The following ANKS1B variants were observed in gnomAD, a reference collection of about 807,000 sequenced individuals.
The protein encoded by ANKS1B is ankyrin repeat and sterile alpha motif domain containing 1B.
ANKS1B carries 36 observed loss-of-function variants against 148.3 expected under a neutral mutation model. The observed-to-expected ratio is 0.24, with a 90% confidence interval of 0.19 to 0.32. The LOEUF is 0.32. Among genes scored for constraint, ANKS1B ranks in the 10% least tolerant of loss-of-function variants. The pLI, the probability that ANKS1B is intolerant of heterozygous loss-of-function variation, is 1.00. For missense variants in ANKS1B, 1,157 were observed against 1,542.6 expected, an observed-to-expected ratio of 0.75 and a Z score of 4.19; for synonymous variants, 542 against 560.8, an observed-to-expected ratio of 0.97 and a Z score of 0.47.
chr12:99,562,344 T>C (rs2097345145), intron 9 of ANKS1B, among the ~76,000 whole-genome samples: 1 of 152,210 alleles, frequency 6.6e-6, no homozygotes, highest in Non-Finnish European at 1.5e-5. Flanking sequence ...CATTCACCCC[T>C]GACAAAAGAG....
intron 17 of ANKS1B, among the ~76,000 whole-genome samples, chr12:98,987,229 A>G (rs1267171842): frequency 6.6e-6 from 1 of 151,882 alleles, no homozygotes; most frequent in African/African-American, 2.4e-5. Context: ...CAAGATAAGA[A>G]GTTTGAGCAA....
chr12:99,696,474 T>C (rs1170710530), intron 8 of ANKS1B, among the ~76,000 whole-genome samples: 2 of 152,026 alleles, frequency 1.3e-5, no homozygotes, highest in African/African-American at 4.8e-5. Flanking sequence ...GCAAAGCAAG[T>C]CAATGTAGAT....
chr12:98,955,179 A>G (rs1179547885), intron 17 of ANKS1B, among the ~76,000 whole-genome samples: 1 of 152,226 alleles, frequency 6.6e-6, no homozygotes, highest in African/African-American at 2.4e-5. Context: ...AGTACTGCAG[A>G]AAAAGATTAG....
At chr12:99,147,062 C>G (rs956121314) in intron 15 of ANKS1B, among the ~76,000 whole-genome samples, 1 of 152,132 alleles carries the variant, frequency 6.6e-6, no homozygotes, top group Admixed American at 6.6e-5. Context: ...TATTTACCAT[C>G]TGGCCCTTTA....
intron 17 of ANKS1B, among the ~76,000 whole-genome samples, chr12:98,978,561 A>G (rs1568151563): frequency 6.6e-6 from 1 of 152,124 alleles, no homozygotes. Flanking sequence ...GTACTCACAT[A>G]AAACTTAAAA....
intron 10 of ANKS1B, among the ~76,000 whole-genome samples, chr12:99,495,521 C>A (rs923845807): frequency 2.0e-5 from 3 of 152,168 alleles, no homozygotes; most frequent in Admixed American, 2.0e-4. Context: ...TCCTTGATTT[C>A]TCTCTTTGCC....
At chr12:98,749,052 C>T (rs1009873483) in intron 26 of ANKS1B, among the ~76,000 whole-genome samples, 6 of 152,192 alleles carry the variant, frequency 3.9e-5, no homozygotes, top group Admixed American at 3.9e-4. Flanking sequence ...CTGCTATGGG[C>T]CTGGTTCCGG....
intron 17 of ANKS1B, among the ~76,000 whole-genome samples, chr12:99,016,453 C>G (rs771881383): frequency 1.3e-5 from 2 of 152,130 alleles, no homozygotes; most frequent in Non-Finnish European, 2.9e-5. Flanking sequence ...ATCAGAAGTT[C>G]GAGACCAGCC....
intron 12 of ANKS1B, among the ~76,000 whole-genome samples, chr12:99,383,118 C>A (rs1457318174): frequency 6.6e-6 from 1 of 152,156 alleles, no homozygotes; most frequent in Admixed American, 6.5e-5. Context: ...TGGTTGCCTC[C>A]TTTAGGCAAA....
At chr12:99,783,436 C>T (rs778900269) in intron 4 of ANKS1B, among the ~76,000 whole-genome samples, 1 of 151,940 alleles carries the variant, frequency 6.6e-6, no homozygotes, top group Admixed American at 6.6e-5. Context: ...ATCAAAAATG[C>T]GACAGTTTCA....
chr12:98,811,198 C>T (rs373228144), intron 19 of ANKS1B, among the ~76,000 whole-genome samples: 2 of 152,268 alleles, frequency 1.3e-5, no homozygotes, highest in South Asian at 4.1e-4. Context: ...GAGGGCAGGT[C>T]CTCCCACTGC....
intron 12 of ANKS1B, among the ~76,000 whole-genome samples, chr12:99,301,920 C>T (rs1039252021): frequency 4.0e-5 from 6 of 151,834 alleles, no homozygotes; most frequent in South Asian, 2.1e-4. Context: ...CATTTAAAAG[C>T]GGGAAAAGGA....
chr12:98,869,418 C>T (rs780467612), intron 17 of ANKS1B, among the ~76,000 whole-genome samples: 13 of 152,094 alleles, frequency 8.5e-5, no homozygotes, highest in Admixed American at 1.3e-4. Context: ...CTCCTGAGTC[C>T]GGACAAGACT....
chr12:99,970,345 G>A (rs1408706971), intron 1 of ANKS1B, among the ~76,000 whole-genome samples: 3 of 152,102 alleles, frequency 2.0e-5, no homozygotes, highest in Non-Finnish European at 4.4e-5. Flanking sequence ...TTGAAAAGGT[G>A]TATGATATAC....
chr12:99,253,543 A>T (rs1441196912), intron 12 of ANKS1B, among the ~76,000 whole-genome samples: 3 of 152,172 alleles, frequency 2.0e-5, no homozygotes, highest in African/African-American at 4.8e-5. Flanking sequence ...TTCTCATTAA[A>T]CGTGGGAAAC....
intron 10 of ANKS1B, among the ~76,000 whole-genome samples, chr12:99,495,527 T>G (rs776333242): frequency 1.3e-5 from 2 of 152,204 alleles, no homozygotes; most frequent in Non-Finnish European, 2.9e-5. Flanking sequence ...ATTTCTCTCT[T>G]TGCCCATCCA....
intron 14 of ANKS1B, among the ~76,000 whole-genome samples, chr12:99,177,267 C>T (rs1017528083): frequency 6.6e-6 from 1 of 152,194 alleles, no homozygotes; most frequent in African/African-American, 2.4e-5. Flanking sequence ...TTTATATTTC[C>T]TTTTCATTGA....
chr12:99,188,017 A>T (rs887107896), intron 14 of ANKS1B, among the ~76,000 whole-genome samples: 16 of 152,240 alleles, frequency 1.1e-4, no homozygotes, highest in African/African-American at 3.9e-4. Context: ...GCAAATGGAA[A>T]GCAAAAAAAA....
At chr12:98,822,895 C>T (rs983333398) in intron 19 of ANKS1B, among the ~76,000 whole-genome samples, 2 of 152,172 alleles carry the variant, frequency 1.3e-5, no homozygotes. Context: ...TGTTTTAAGA[C>T]TATAGTACAG....
Sources: gnomAD v4.1 joint callset for allele counts (sites outside exome capture counted in the v4.1 genomes callset) on GRCh38, gnomAD v4.1.1 for gene constraint, MANE v1.5 for transcripts, NCBI Gene and HGNC (gene_info 2026-07-23, HGNC 2026-07-21) for gene names.